The following COL11A1 variants were observed in gnomAD, a reference collection of about 807,000 sequenced individuals.
COL11A1 encodes the protein collagen type XI alpha 1 chain.
In COL11A1, 74 loss-of-function variants were observed where a neutral mutation model predicts 265.2. That is an observed-to-expected ratio of 0.28 (90% CI 0.23 to 0.34). COL11A1 has a LOEUF of 0.34. Among genes scored for constraint, COL11A1 ranks in the 10% least tolerant of loss-of-function variants. COL11A1 has a pLI of 1.00. For synonymous variants in COL11A1, 816 were observed against 727.6 expected (o/e 1.12, Z -1.96); for missense variants, 2,165 against 2,263.6 (o/e 0.96, Z 0.88).
At chr1:103,027,866 C>G (rs958522594) in intron 5 of COL11A1, among the ~76,000 whole-genome samples, 11 of 152,062 alleles carry the variant, frequency 7.2e-5, no homozygotes, top group African/African-American at 2.7e-4. Context: ...CATTTTTTCT[C>G]TTATAGGACA....
At chr1:103,034,215 A>G (rs1668190492) in intron 4 of COL11A1, among the ~76,000 whole-genome samples, 1 of 152,074 alleles carries the variant, frequency 6.6e-6, no homozygotes, top group African/African-American at 2.4e-5. Flanking sequence ...AGTTGTTGAG[A>G]GTCTTGACCA....
At chr1:102,949,524 G>C (rs1271569798) in intron 41 of COL11A1, among the ~76,000 whole-genome samples, 1 of 152,106 alleles carries the variant, frequency 6.6e-6, no homozygotes, top group Non-Finnish European at 1.5e-5. Flanking sequence ...GAATGAAAAA[G>C]GGAGAATCAA....
At chr1:103,062,592 G>A (rs992899322) in intron 4 of COL11A1, among the ~76,000 whole-genome samples, 2 of 151,874 alleles carry the variant, frequency 1.3e-5, no homozygotes, top group African/African-American at 4.8e-5. Context: ...TATCATAGAT[G>A]CAGGAAAGCA....
At chr1:103,001,599 T>C in intron 24 of COL11A1, 1 of 461,730 alleles carries the variant, frequency 2.2e-6, no homozygotes, top group South Asian at 5.8e-5. Context: ...ACTTAATTAC[T>C]TTTTTGTAAA....
intron 36 of COL11A1, among the ~76,000 whole-genome samples, chr1:102,971,005 CA>C (rs978861892): frequency 1.2e-5 from 1 of 84,798 alleles, no homozygotes; most frequent in Non-Finnish European, 2.4e-5. Flanking sequence ...TCTCAAAAAA[CA>C]AAAAACAAAA....
At chr1:102,989,408 G>T (rs1663900397) in intron 29 of COL11A1, 110 bp downstream of exon 29, 1 of 597,546 alleles carries the variant, frequency 1.7e-6, no homozygotes, top group Non-Finnish European at 2.7e-6. Flanking sequence ...GACTTAGGTA[G>T]TACAAACATT....
intron 15 of COL11A1, among the ~76,000 whole-genome samples, chr1:103,006,773 C>G (rs978733581): frequency 2.0e-5 from 3 of 151,958 alleles, no homozygotes; most frequent in Admixed American, 2.0e-4. Context: ...TGTGATCCAC[C>G]CATCTCGGCC....
intron 15 of COL11A1, among the ~76,000 whole-genome samples, chr1:103,007,886 A>AT (rs397953235): frequency 6.6e-6 from 1 of 150,716 alleles, no homozygotes; most frequent in Non-Finnish European, 1.5e-5. Context: ...AAAAAAAAAA[A>AT]GATTGTCTAC....
chr1:103,049,959 C>T (rs12757655), intron 4 of COL11A1, among the ~76,000 whole-genome samples: 6,304 of 152,174 alleles, frequency 0.041, 156 homozygotes, highest in Middle Eastern at 0.1. Flanking sequence ...GAGTTTCTGC[C>T]GAGAGATCAG....
chr1:102,981,669 C>T (rs149767132), intron 31 of COL11A1, among the ~76,000 whole-genome samples: 333 of 151,884 alleles, frequency 2.2e-3, no homozygotes, highest in Non-Finnish European at 3.8e-3. Flanking sequence ...CAGTATTACC[C>T]GTTTTTATAT....
At chr1:102,968,268 T>A (rs969541511) in intron 37 of COL11A1, among the ~76,000 whole-genome samples, 3 of 152,222 alleles carry the variant, frequency 2.0e-5, no homozygotes, top group African/African-American at 7.2e-5. Flanking sequence ...TTGAAAAATA[T>A]GCTGTTACAA....
intron 1 of COL11A1, among the ~76,000 whole-genome samples, chr1:103,097,470 T>A (rs1226542888): frequency 6.6e-6 from 1 of 150,730 alleles, no homozygotes; most frequent in Non-Finnish European, 1.5e-5. Context: ...TCAGGGAAGT[T>A]TTCTTCGACT....
intron 4 of COL11A1, among the ~76,000 whole-genome samples, chr1:103,033,100 C>T (rs1668107788): frequency 6.6e-6 from 1 of 152,042 alleles, no homozygotes; most frequent in African/African-American, 2.4e-5. Context: ...AACATGTGGC[C>T]TTTTTCAATT....
At chr1:102,930,206 C>G (rs547420039) in intron 46 of COL11A1, among the ~76,000 whole-genome samples, 1 of 151,728 alleles carries the variant, frequency 6.6e-6, no homozygotes, top group Non-Finnish European at 1.5e-5. Flanking sequence ...TTTGCCCATT[C>G]AGTATGATAT....
chr1:103,015,776 A>C, intron 11 of COL11A1, 34 bp from the exon 12 acceptor site: 2 of 1,350,696 alleles, frequency 1.5e-6, no homozygotes, highest in Admixed American at 1.9e-5. Flanking sequence ...AAAATAAATA[A>C]ATATCAAAAT....
intron 4 of COL11A1, among the ~76,000 whole-genome samples, chr1:103,065,537 A>AAT (rs1250049172): frequency 8.0e-6 from 1 of 125,122 alleles, no homozygotes; most frequent in East Asian, 2.3e-4. Flanking sequence ...AAAAAAAAAA[A>AAT]AAAAAAAAAA....
chr1:103,010,421 T>C (rs1666010824), intron 14 of COL11A1, among the ~76,000 whole-genome samples: 1 of 152,190 alleles, frequency 6.6e-6, no homozygotes, highest in Admixed American at 6.5e-5. Context: ...AAAACTTTCA[T>C]ATCAAAGTGA....
chr1:103,037,576 A>G (rs764181781), intron 4 of COL11A1, among the ~76,000 whole-genome samples: 9 of 152,108 alleles, frequency 5.9e-5, no homozygotes, highest in Non-Finnish European at 8.8e-5. Flanking sequence ...ATGTGTTTGG[A>G]CCTTAATAGG....
chr1:102,918,267 A>T (rs1156401760), intron 49 of COL11A1, among the ~76,000 whole-genome samples: 1 of 151,790 alleles, frequency 6.6e-6, no homozygotes, highest in East Asian at 1.9e-4. Flanking sequence ...ACAACAAATT[A>T]CTCTGTATGT....
Sources: gnomAD v4.1 joint callset for allele counts (sites outside exome capture counted in the v4.1 genomes callset) on GRCh38, gnomAD v4.1.1 for gene constraint, MANE v1.5 for transcripts, NCBI Gene and HGNC (gene_info 2026-07-23, HGNC 2026-07-21) for gene names.